FBXL17: variants seen among roughly 807,000 people sequenced by gnomAD.
The protein encoded by FBXL17 is F-box/LRR-repeat protein 17.
A neutral mutation model predicts 66.2 loss-of-function variants in FBXL17; 22 were observed. That is an observed-to-expected ratio of 0.33 (90% confidence interval 0.24 to 0.47). FBXL17 has a LOEUF of 0.47. Ranked by LOEUF, FBXL17 falls within the 20% of genes least tolerant of loss-of-function variation. FBXL17 has a pLI of 1.00. For missense variants in FBXL17, 878 were observed against 948.2 expected, an observed-to-expected ratio of 0.93 and a Z score of 0.97; for synonymous variants, 474 against 400.5, an observed-to-expected ratio of 1.18 and a Z score of -2.19.
At chr5:108,330,385 T>C (rs1485204188) in intron 4 of FBXL17, among the ~76,000 whole-genome samples, 1 of 152,200 alleles carries the variant, frequency 6.6e-6, no homozygotes, top group Non-Finnish European at 1.5e-5. Context: ...TTTTAAAAAG[T>C]ATGCAAGGGA....
chr5:108,186,074 G>A (rs751283947), intron 6 of FBXL17, 43 bp downstream of exon 6: 1 of 1,473,920 alleles, frequency 6.8e-7, no homozygotes, highest in Non-Finnish European at 9.4e-7. Flanking sequence ...TTTCCTAAAT[G>A]TTTTCCTCTA....
rs116402364 is a variant in FBXL17, at chr5:108,143,632, G to A, written c.1745+42485C>T. On this transcript the variant is annotated intron_variant, in intron 6 of 8. Transcript: ENST00000542267. ...TATTTTGAAGCCCAGATAGCTCCAA[G>A]AAAGTCACATCCAATAAACCTTCCT... Among the ~76,000 whole-genome samples, 1,332 of 145,732 alleles carry A rather than the reference G, an allele frequency of 9.1e-3. 20 individuals are homozygous for A. The highest frequency in any genetic ancestry group is 0.031 in the African/African-American group (1,215 of 39,024).
chr5:108,189,619 A>G (rs1753385849), intron 5 of FBXL17, among the ~76,000 whole-genome samples: 3 of 152,116 alleles, frequency 2.0e-5, no homozygotes, highest in Non-Finnish European at 1.5e-5. Flanking sequence ...CACGATTAGG[A>G]TGGAAATTCT....
chr5:108,209,295 C>T (rs982411003), intron 5 of FBXL17, among the ~76,000 whole-genome samples: 9 of 151,998 alleles, frequency 5.9e-5, no homozygotes, highest in Non-Finnish European at 1.5e-5. Flanking sequence ...TATCTGAATA[C>T]TCTATTTCTT....
chr5:108,319,456 T>A (rs1759518134), intron 4 of FBXL17, among the ~76,000 whole-genome samples: 1 of 151,824 alleles, frequency 6.6e-6, no homozygotes, highest in South Asian at 2.1e-4. Flanking sequence ...GTAATGCAAA[T>A]GCATTAACAA....
rs540274475 is a variant in FBXL17, at chr5:108,107,273, T to C, written c.1745+78844A>G. On this transcript the variant is annotated intron_variant, in intron 6 of 8. Coordinates refer to ENST00000542267, the MANE Select transcript of FBXL17 (RefSeq NM_001163315.3). ...TTTTAGTAGAGACAGAGTTTCTCCA[T>C]GTTGGTCAGGCTGGTCTCGAACTCC... is the stretch of plus-strand genomic sequence containing the variant. 2.3e-4 allele frequency among the ~76,000 whole-genome samples: 35 copies of C among 152,230 alleles called. 2 individuals are homozygous for C. The South Asian group carries it at 7.3e-3, about 32-fold the overall frequency.
chr5:107,899,342 T>C (rs1023856078), intron 7 of FBXL17, among the ~76,000 whole-genome samples: 2 of 152,116 alleles, frequency 1.3e-5, no homozygotes, highest in Admixed American at 6.6e-5. Context: ...AGTAGTTAAC[T>C]TGGGGGGAAT....
At chr5:107,890,933 G>T (rs1456506334) in intron 7 of FBXL17, among the ~76,000 whole-genome samples, 1 of 152,164 alleles carries the variant, frequency 6.6e-6, no homozygotes, top group Non-Finnish European at 1.5e-5. Flanking sequence ...AAATGTTTCA[G>T]TGGTTGGGGA....
chr5:107,938,548 A>G (rs962298877), intron 7 of FBXL17, among the ~76,000 whole-genome samples: 2 of 152,172 alleles, frequency 1.3e-5, no homozygotes, highest in South Asian at 4.1e-4. Context: ...CATTGTATGT[A>G]AATAGGTGCC....
intron 4 of FBXL17, among the ~76,000 whole-genome samples, chr5:108,332,206 T>G (rs989783778): frequency 1.3e-5 from 2 of 152,154 alleles, no homozygotes; most frequent in African/African-American, 4.8e-5. Flanking sequence ...TTCTAATTAA[T>G]AGTATGGATG....
intron 7 of FBXL17, among the ~76,000 whole-genome samples, chr5:107,898,146 G>A (rs945542789): frequency 2.6e-5 from 4 of 152,076 alleles, no homozygotes; most frequent in African/African-American, 7.2e-5. Flanking sequence ...TACTCAAGAC[G>A]GTTTTGGACT....
At chr5:108,122,258 T>C (rs193245442) in intron 6 of FBXL17, among the ~76,000 whole-genome samples, 16 of 152,150 alleles carry the variant, frequency 1.1e-4, no homozygotes, top group African/African-American at 3.9e-4. Context: ...ATTTTAAACA[T>C]GAAAACGCTC....
At chr5:108,114,047 A>T (rs1183927478) in intron 6 of FBXL17, among the ~76,000 whole-genome samples, 1 of 152,214 alleles carries the variant, frequency 6.6e-6, no homozygotes, top group Non-Finnish European at 1.5e-5. Flanking sequence ...TGTCTCTTTC[A>T]GTTATACAAA....
chr5:108,297,713 A>G, intron 4 of FBXL17: 1 of 478,812 alleles, frequency 2.1e-6, no homozygotes, highest in Non-Finnish European at 2.7e-6. Flanking sequence ...AGTACTACAA[A>G]AAACATTAAG....
Position 108,247,923 on chromosome 5 carries a change from A to C in FBXL17, c.1507-23695T>G, listed in dbSNP as rs141364331. On this transcript the variant is annotated intron_variant, in intron 4 of 8. Transcript: ENST00000542267. ...TAAAAACTCTGGACATTATTTATAAAACAAACACATGAAGACTCTGACTCT... is the reference window on the plus strand; with the variant it reads ...TAAAAACTCTGGACATTATTTATAACACAAACACATGAAGACTCTGACTCT... 1.1e-3 allele frequency among the ~76,000 whole-genome samples: 160 copies of C among 152,340 alleles called. 1 individual carries two copies. The highest frequency in any genetic ancestry group is 3.8e-3 in the African/African-American group (156 of 41,598).
At chr5:108,260,397 G>C (rs1335618252) in intron 4 of FBXL17, among the ~76,000 whole-genome samples, 12 of 152,112 alleles carry the variant, frequency 7.9e-5, no homozygotes, top group Admixed American at 7.9e-4. Flanking sequence ...ACACAGGGTA[G>C]CTATATCCAG....
intron 7 of FBXL17, among the ~76,000 whole-genome samples, chr5:107,984,467 C>T (rs911820603): frequency 6.6e-6 from 1 of 152,076 alleles, no homozygotes; most frequent in Admixed American, 6.6e-5. Flanking sequence ...GGATCTAGTT[C>T]CAGGGTATAG....
chr5:108,204,913 AT>A (rs544729527), intron 5 of FBXL17, among the ~76,000 whole-genome samples: 14 of 151,062 alleles, frequency 9.3e-5, no homozygotes, highest in African/African-American at 2.9e-4. Context: ...AATATTTTGC[AT>A]TTTTTTTTCT....
chr5:108,047,809 C>T (rs2112815749), intron 6 of FBXL17, among the ~76,000 whole-genome samples: 1 of 152,302 alleles, frequency 6.6e-6, no homozygotes, highest in South Asian at 2.1e-4. Context: ...GCCTGAGCCC[C>T]TAGGAGGAGG....
Sources: allele counts gnomAD v4.1 joint callset (sites outside exome capture counted in the v4.1 genomes callset), GRCh38; gene constraint gnomAD v4.1.1; transcripts MANE v1.5; gene names NCBI Gene and HGNC (gene_info 2026-07-23, HGNC 2026-07-21).